The following NAV3 variants were observed in gnomAD, a reference collection of about 807,000 sequenced individuals.
NAV3 encodes the protein neuron navigator 3.
In NAV3, 87 loss-of-function variants were observed where a neutral mutation model predicts 244.7. The observed-to-expected ratio is 0.36, with a 90% CI of 0.30 to 0.42. The LOEUF is 0.42. Among genes scored for constraint, NAV3 ranks in the 20% least tolerant of loss-of-function variants. The pLI is 1.00. For synonymous variants in NAV3, 1,126 were observed against 1,042.2 expected, an observed-to-expected ratio of 1.08 and a Z score of -1.55; for missense variants, 2,663 against 2,893.3, an observed-to-expected ratio of 0.92 and a Z score of 1.83.
intron 2 of NAV3, among the ~76,000 whole-genome samples, chr12:77,708,271 C>T (rs998327039): frequency 6.6e-6 from 1 of 152,190 alleles, no homozygotes; most frequent in African/African-American, 2.4e-5. Context: ...CAGCTTTCTA[C>T]ATATGGCTAG....
At chr12:77,749,667 A>C (rs974011928) in intron 2 of NAV3, among the ~76,000 whole-genome samples, 2 of 152,174 alleles carry the variant, frequency 1.3e-5, no homozygotes, top group Non-Finnish European at 2.9e-5. Flanking sequence ...GTGCCTGCTA[A>C]AAATAAAAAT....
intron 24 of NAV3, 107 bp from the exon 25 acceptor site, chr12:78,175,199 C>T (rs2139642878): frequency 8.2e-7 from 1 of 1,220,190 alleles, no homozygotes; most frequent in South Asian, 1.4e-5. Context: ...CTGTACAAAG[C>T]CTTGTTGACC....
Position 77,989,798 on chromosome 12 carries a change from G to A in NAV3, c.672-5005G>A, listed in dbSNP as rs965080017. On this transcript the variant is annotated intron_variant, in intron 5 of 39. Coordinates refer to ENST00000397909, the MANE Select transcript of NAV3 (RefSeq NM_001024383.2). ...TCTTTTTGACATACTAAGCATTTGT[G>A]GCAGTTATACTTGGCAGATAAATTA... Among the ~76,000 whole-genome samples the A allele has an allele frequency of 8.5e-5, 13 of 152,172 alleles. No homozygotes were observed. In the East Asian group the frequency reaches 2.3e-3, roughly 27 times the overall value.
chr12:78,160,540 T>A (rs1272207870), intron 23 of NAV3, among the ~76,000 whole-genome samples: 1 of 152,094 alleles, frequency 6.6e-6, no homozygotes, highest in African/African-American at 2.4e-5. Flanking sequence ...CCTCTATCTA[T>A]CCATAGGAAT....
intron 9 of NAV3, among the ~76,000 whole-genome samples, chr12:78,027,331 T>C (rs767565129): frequency 2.4e-4 from 37 of 151,584 alleles, no homozygotes; most frequent in Non-Finnish European, 5.1e-4. Context: ...TGTAGTCCAA[T>C]CTACTCAGGA....
intron 2 of NAV3, among the ~76,000 whole-genome samples, chr12:77,617,213 A>T (rs1482226194): frequency 6.6e-6 from 1 of 152,196 alleles, no homozygotes; most frequent in African/African-American, 2.4e-5. Context: ...TGATATTTTT[A>T]AAGTTTTGAT....
chr12:77,882,352 T>C (rs1592885764), intron 1 of NAV3, among the ~76,000 whole-genome samples: 1 of 152,084 alleles, frequency 6.6e-6, no homozygotes, highest in East Asian at 1.9e-4. Context: ...TTTCAATAAA[T>C]GGTGCTGGGG....
At chr12:78,114,697 T>A (rs1403783083) in intron 12 of NAV3, among the ~76,000 whole-genome samples, 4 of 152,122 alleles carry the variant, frequency 2.6e-5, no homozygotes, top group Admixed American at 2.6e-4. Context: ...GAGATTTGGG[T>A]GGGGACACAG....
intron 5 of NAV3, among the ~76,000 whole-genome samples, chr12:77,969,435 A>C (rs1464504413): frequency 6.6e-6 from 1 of 152,188 alleles, no homozygotes; most frequent in Admixed American, 6.5e-5. Flanking sequence ...TTAGGCAAGT[A>C]TGAAATCTGA....
At chr12:77,873,750 A>G (rs1261666594) in intron 1 of NAV3, among the ~76,000 whole-genome samples, 106 of 94,276 alleles carry the variant, frequency 1.1e-3, no homozygotes, top group East Asian at 3.4e-3. Context: ...GTGTGTATAT[A>G]TATATATATA....
chr12:78,166,164 T>C lies in NAV3; in HGVS notation c.4870-2591T>C, dbSNP rs371466146. Reference sequence around the variant, plus strand: ...AAATAGTCTCAAAGCACATTTTCACTTTTTTTCTGACAGGAAAACAGGTTT... The same window carrying C: ...AAATAGTCTCAAAGCACATTTTCACCTTTTTTCTGACAGGAAAACAGGTTT... On this transcript the variant is annotated intron_variant, in intron 23 of 39. Transcript: ENST00000397909. Among the ~76,000 whole-genome samples, 10 of 151,810 alleles carry C rather than the reference T, an allele frequency of 6.6e-5. No homozygotes were observed. In the East Asian group the frequency reaches 1.4e-3, roughly 21 times the overall value.
In NAV3 at chr12:78,137,157, CTG is replaced by C. The variant is rs1956408338; in HGVS notation, c.4442-14_4442-13del. 1.2e-6 allele frequency: 2 copies of C among 1,602,876 alleles called. No homozygotes were observed. On this transcript the variant is annotated intron_variant, in intron 18 of 39. Transcript: ENST00000397909. ...CTTTCAAGCTTAAGAGTAATAGGCT[CTG>C]TGTGTTTTGTTTTTCAGTGAGCCCA... is the stretch of plus-strand genomic sequence containing the variant.
intron 1 of NAV3, among the ~76,000 whole-genome samples, chr12:77,906,735 T>G (rs969869471): frequency 4.6e-5 from 7 of 152,130 alleles, no homozygotes; most frequent in African/African-American, 1.7e-4. Context: ...ACAGGGATGT[T>G]GTGATAACTT....
At chr12:78,179,722 C>CA (rs770562116) in intron 29 of NAV3, 40 bp downstream of exon 29, 13 of 1,565,240 alleles carry the variant, frequency 8.3e-6, no homozygotes, top group African/African-American at 6.9e-5. Context: ...AATGGAGAAA[C>CA]AAAAAAATGC....
intron 9 of NAV3, among the ~76,000 whole-genome samples, chr12:78,048,698 G>A (rs1338026573): frequency 6.6e-6 from 1 of 152,194 alleles, no homozygotes; most frequent in African/African-American, 2.4e-5. Context: ...ACGGGGGTCA[G>A]GGACCCACTT....
rs752594500 is a variant in NAV3, at chr12:78,133,398, A to AAT, written c.4442-3765_4442-3764dup. 4.9e-3 allele frequency among the ~76,000 whole-genome samples: 740 copies of AAT among 149,812 alleles called. 3 individuals carry two copies. Among genetic ancestry groups the AAT allele is most frequent in the South Asian group, 0.011 (53 of 4,762 alleles). ...AAAGTTACTTTATTATTAAATTTTA[A>AAT]ATATATATATATATACTTACCTTAA... is the stretch of plus-strand genomic sequence containing the variant. On this transcript the variant is annotated intron_variant, in intron 18 of 39. Transcript: ENST00000397909.
rs145197727 is a variant in NAV3, at chr12:77,884,197, A to G, written c.243+52493A>G. ...TTGGGATTCTCCAAAAAGAACCAGT[A>G]GAATTGATGGATGGACGGAGGGAAG... On this transcript the variant is annotated intron_variant, in intron 1 of 39. Transcript: ENST00000397909. Among the ~76,000 whole-genome samples the G allele has an allele frequency of 9.1e-3, 1,392 of 152,260 alleles. 12 individuals are homozygous for G. The highest frequency in any genetic ancestry group is 0.013 in the Non-Finnish European group (881 of 68,006).
intron 3 of NAV3, among the ~76,000 whole-genome samples, chr12:77,963,765 T>C (rs914698468): frequency 2.0e-5 from 3 of 152,172 alleles, no homozygotes; most frequent in Non-Finnish European, 4.4e-5. Flanking sequence ...TGAATGCTCC[T>C]GATAAATACA....
chr12:77,926,278 T>A (rs901595782), intron 1 of NAV3, among the ~76,000 whole-genome samples: 1 of 152,188 alleles, frequency 6.6e-6, no homozygotes, highest in Non-Finnish European at 1.5e-5. Flanking sequence ...GAGGTAGATA[T>A]CTATCTTTGT....
Sources: gnomAD v4.1 joint callset for allele counts (sites outside exome capture counted in the v4.1 genomes callset) on GRCh38, gnomAD v4.1.1 for gene constraint, MANE v1.5 for transcripts, NCBI Gene and HGNC (gene_info 2026-07-23, HGNC 2026-07-21) for gene names.